NCOA1: variants seen among roughly 807,000 people sequenced by gnomAD.
NCOA1 encodes the protein Hin-2 protein.
NCOA1 carries 35 observed loss-of-function variants against 150.9 expected under a neutral mutation model. That is an observed-to-expected ratio of 0.23 (90% CI 0.18 to 0.31). The LOEUF (loss-of-function observed/expected upper bound fraction) is 0.31, where lower values mean the gene tolerates loss of function less well. Ranked by LOEUF, NCOA1 falls within the 10% of genes least tolerant of loss-of-function variation. NCOA1 has a pLI of 1.00. For missense variants in NCOA1, 1,491 were observed against 1,749.3 expected (o/e 0.85, Z 2.63); for synonymous variants, 590 against 630.0 (o/e 0.94, Z 0.95).
At chr2:24,764,427 G>C (rs186920920) in intron 22 of NCOA1, among the ~76,000 whole-genome samples, 2 of 152,304 alleles carry the variant, frequency 1.3e-5, no homozygotes, top group African/African-American at 4.8e-5. Flanking sequence ...ATGGTCACAA[G>C]AGCATTTTTG....
At chr2:24,504,349 A>G (rs1663601285) in intron 1 of NCOA1, among the ~76,000 whole-genome samples, 1 of 152,234 alleles carries the variant, frequency 6.6e-6, no homozygotes, top group Admixed American at 6.5e-5. Context: ...CTTTGGCCCT[A>G]AAGTGTCCCA....
chr2:24,751,133 G>A (rs369070417), intron 19 of NCOA1, among the ~76,000 whole-genome samples: 33 of 150,974 alleles, frequency 2.2e-4, no homozygotes, highest in African/African-American at 6.1e-4. Flanking sequence ...GATAACAGGC[G>A]TTTTTGTATT....
At chr2:24,693,770 C>T (rs1672775575) in intron 10 of NCOA1, among the ~76,000 whole-genome samples, 1 of 151,646 alleles carries the variant, frequency 6.6e-6, no homozygotes, top group Non-Finnish European at 1.5e-5. Flanking sequence ...TTATTTAGCA[C>T]ATACCGATTG....
chr2:24,529,175 C>T (rs1048632001), intron 1 of NCOA1, among the ~76,000 whole-genome samples: 8 of 152,208 alleles, frequency 5.3e-5, no homozygotes, highest in Non-Finnish European at 7.3e-5. Context: ...CATGAGCCAC[C>T]GTGCCGGCCT....
chr2:24,525,620 C>T (rs1664622283), intron 1 of NCOA1, among the ~76,000 whole-genome samples: 1 of 151,134 alleles, frequency 6.6e-6, no homozygotes, highest in Non-Finnish European at 1.5e-5. Flanking sequence ...GATTTTGGCT[C>T]ACTGCGGCCT....
intron 1 of NCOA1, among the ~76,000 whole-genome samples, chr2:24,545,268 A>C (rs777629151): frequency 6.6e-6 from 1 of 151,690 alleles, no homozygotes; most frequent in Non-Finnish European, 1.5e-5. Context: ...CCAGAAAATA[A>C]GAAAATATGC....
At chr2:24,754,253 A>T (rs1265291515) in intron 20 of NCOA1, among the ~76,000 whole-genome samples, 1 of 152,080 alleles carries the variant, frequency 6.6e-6, no homozygotes, top group African/African-American at 2.4e-5. Context: ...CTTTTAACAC[A>T]TGAGGCAGAG....
chr2:24,727,428 A>G (rs1662747120), intron 15 of NCOA1, among the ~76,000 whole-genome samples: 1 of 152,174 alleles, frequency 6.6e-6, no homozygotes, highest in Non-Finnish European at 1.5e-5. Flanking sequence ...AAGAAGTTAT[A>G]AGAAAGGAAA....
intron 17 of NCOA1, 135 bp downstream of exon 17, chr2:24,729,950 A>G (rs1245284971): frequency 4.6e-6 from 4 of 870,310 alleles, no homozygotes; most frequent in South Asian, 1.8e-5. Flanking sequence ...GGTTCAAGCA[A>G]TTCTCCTGCC....
chr2:24,684,919 A>G (rs1277112608), intron 8 of NCOA1, among the ~76,000 whole-genome samples: 1 of 152,182 alleles, frequency 6.6e-6, no homozygotes, highest in Non-Finnish European at 1.5e-5. Context: ...AAAATAAATT[A>G]TAGTACCTAT....
chr2:24,644,186 T>G (rs1239247700), intron 4 of NCOA1, 64 bp downstream of exon 4: 1 of 152,224 alleles, frequency 6.6e-6, no homozygotes, highest in Non-Finnish European at 1.5e-5. Context: ...GGAACATGAT[T>G]ACCTGTTGAC....
rs72422469 is a variant in NCOA1, at chr2:24,517,004, G to GCACACACA, written c.-396+25420_-396+25427dup. On this transcript the variant is annotated intron_variant, in intron 1 of 22. Coordinates refer to ENST00000348332, the MANE Select transcript of NCOA1 (RefSeq NM_003743.5). ...TATACGTATATATATACACACGCGC[G>GCACACACA]CACACACACACACACACACACACAC... Among the ~76,000 whole-genome samples, 32 of 83,932 alleles carry GCACACACA rather than the reference G, an allele frequency of 3.8e-4. 1 individual carries two copies. In the East Asian group the frequency reaches 5.6e-3, roughly 15 times the overall value. 55.1% of individuals were successfully genotyped at this position (83,932 alleles called of 152,430 possible).
chr2:24,548,777 C>T (rs2148215233), intron 1 of NCOA1, among the ~76,000 whole-genome samples: 1 of 152,358 alleles, frequency 6.6e-6, no homozygotes, highest in South Asian at 2.1e-4. Context: ...CTCCATGTCT[C>T]ACATCCAGGA....
At chr2:24,524,238 A>G (rs543047861) in intron 1 of NCOA1, among the ~76,000 whole-genome samples, 2 of 152,324 alleles carry the variant, frequency 1.3e-5, no homozygotes, top group African/African-American at 4.8e-5. Context: ...TAAATTGTTC[A>G]AATCAGATTG....
At chr2:24,566,120 C>T (rs991433824) in intron 2 of NCOA1, among the ~76,000 whole-genome samples, 1 of 152,130 alleles carries the variant, frequency 6.6e-6, no homozygotes, top group African/African-American at 2.4e-5. Context: ...TGTCCCACAC[C>T]CAGGAAGAAT....
chr2:24,630,524 C>T (rs562933793), intron 3 of NCOA1, among the ~76,000 whole-genome samples: 9 of 152,240 alleles, frequency 5.9e-5, no homozygotes, highest in East Asian at 3.9e-4. Context: ...TTCTCTGAGG[C>T]GGTGGTTCTC....
intron 4 of NCOA1, among the ~76,000 whole-genome samples, chr2:24,645,264 G>C (rs1670413920): frequency 6.6e-6 from 1 of 151,544 alleles, no homozygotes; most frequent in Non-Finnish European, 1.5e-5. Flanking sequence ...TGCTGAGACG[G>C]GTGAATTATG....
chr2:24,585,497 AT>A (rs939858391), intron 3 of NCOA1, among the ~76,000 whole-genome samples: 21 of 149,762 alleles, frequency 1.4e-4, no homozygotes, highest in East Asian at 5.8e-4. Flanking sequence ...ACATTCACAG[AT>A]TTTTTTTTTA....
rs1182422308 is a variant in NCOA1, at chr2:24,665,692, A to G, written c.90-57A>G. 2.3e-6 allele frequency: 3 copies of G among 1,300,976 alleles called. No homozygotes were observed. The East Asian group carries it at 8.2e-5, about 36-fold the overall frequency. 80.6% of individuals were successfully genotyped at this position (1,300,976 alleles called of 1,614,324 possible). A position where few individuals can be genotyped will look rare whatever the true frequency, so the allele number is the denominator to read the frequency against. ...AATGTGTAAGCATAGATACTTGATC[A>G]GAGAAGGAAATATGGTGATACAAAT... On this transcript the variant is annotated intron_variant, in intron 5 of 22. Coordinates refer to ENST00000348332, the MANE Select transcript of NCOA1 (RefSeq NM_003743.5).
Sources: allele counts gnomAD v4.1 joint callset (sites outside exome capture counted in the v4.1 genomes callset), GRCh38; gene constraint gnomAD v4.1.1; transcripts MANE v1.5; gene names NCBI Gene and HGNC (gene_info 2026-07-23, HGNC 2026-07-21).